Variants in ENOX2 observed in about 807,000 individuals in gnomAD.
ENOX2 encodes the protein ecto-NOX disulfide-thiol exchanger 2, also known as APK1 antigen.
In ENOX2, 36 loss-of-function variants were observed where a neutral mutation model predicts 45.0. That is an observed-to-expected ratio of 0.80 (90% confidence interval 0.61 to 1.06). ENOX2 has a LOEUF of 1.06. ENOX2 is among the 50% of genes least tolerant of loss of function. ENOX2 has a pLI of 0.00. For missense variants in ENOX2, 423 were observed against 462.5 expected (o/e 0.91, Z 0.78); for synonymous variants, 174 against 152.3 (o/e 1.14, Z -1.05).
chrX:130,724,131 T>C (rs182677347), intron 3 of ENOX2, among the ~76,000 whole-genome samples: 4 of 112,390 alleles, frequency 3.6e-5, no homozygotes, highest in African/African-American at 1.3e-4. Context: ...TTTATAAAAA[T>C]TGTCCTCAAG....
intron 2 of ENOX2, among the ~76,000 whole-genome samples, chrX:130,892,801 G>T (rs1216040409): frequency 8.9e-6 from 1 of 112,526 alleles, no homozygotes; most frequent in African/African-American, 3.2e-5. Flanking sequence ...AAAAGAGTTT[G>T]TTCATCTAGT....
At chrX:130,691,629 G>A (rs983085514) in intron 4 of ENOX2, among the ~76,000 whole-genome samples, 6 of 112,358 alleles carry the variant, frequency 5.3e-5, no homozygotes, top group African/African-American at 1.6e-4. Flanking sequence ...GTTATTTTTC[G>A]TTAGGAAAAG....
At chrX:130,841,653 A>G (rs1353516101) in intron 2 of ENOX2, among the ~76,000 whole-genome samples, 1 of 112,231 alleles carries the variant, frequency 8.9e-6, no homozygotes, top group Non-Finnish European at 1.9e-5. Flanking sequence ...TTAAATTAAC[A>G]ACCATCACCA....
intron 8 of ENOX2, among the ~76,000 whole-genome samples, 184 bp downstream of exon 8, chrX:130,667,346 C>T (rs944985740): frequency 1.2e-4 from 13 of 111,540 alleles, no homozygotes; most frequent in East Asian, 5.6e-4. Context: ...CTAGCAGGTG[C>T]GCACATGTCT....
chrX:130,732,679 A>G (rs1359966224), intron 3 of ENOX2, among the ~76,000 whole-genome samples: 2 of 106,818 alleles, frequency 1.9e-5, no homozygotes, highest in Non-Finnish European at 3.9e-5. Context: ...CAGAATGGAG[A>G]TCCCAGAAAT....
chrX:130,672,291 C>G (rs1180594327), intron 6 of ENOX2, among the ~76,000 whole-genome samples: 1 of 112,230 alleles, frequency 8.9e-6, no homozygotes, highest in Non-Finnish European at 1.9e-5. Context: ...CCTGAGAATT[C>G]TAATGGTGAC....
In ENOX2 at chrX:130,625,449, T is replaced by C. The variant is rs376334830; in HGVS notation, c.1615-4A>G. 5 of 1,200,902 alleles carry C rather than the reference T, an allele frequency of 4.2e-6. No individual in the cohort carries two copies. In the African/African-American group the frequency reaches 5.3e-5, roughly 13 times the overall value. The stretch of plus-strand genomic sequence containing the variant: ...ACTCCACATCGCTGGTGCAGATCTG[T>C]GGGACAGAGAGAACATCTCCATTCA... On this transcript the variant is annotated splice_polypyrimidine_tract_variant and splice_region_variant and intron_variant, in intron 14 of 14. Coordinates refer to ENST00000394363, the MANE Select transcript of ENOX2 (RefSeq NM_006375.4).
At chrX:130,869,953 C>T (rs2078546388) in intron 2 of ENOX2, among the ~76,000 whole-genome samples, 1 of 112,015 alleles carries the variant, frequency 8.9e-6, no homozygotes, top group Non-Finnish European at 1.9e-5. Flanking sequence ...AAGCAATATG[C>T]TGTATCAAGA....
chrX:130,740,060 T>C (rs1450899328), intron 3 of ENOX2, among the ~76,000 whole-genome samples: 1 of 112,048 alleles, frequency 8.9e-6, no homozygotes, highest in Non-Finnish European at 1.9e-5. Flanking sequence ...CCTATGCAAG[T>C]GTTATGAGAA....
chrX:130,892,542 T>C (rs2079000798), intron 2 of ENOX2, among the ~76,000 whole-genome samples: 2 of 112,764 alleles, frequency 1.8e-5, no homozygotes, highest in South Asian at 7.4e-4. Context: ...CCTTCTGTCC[T>C]TCCCCAGTTT....
chrX:130,636,872 C>T (rs2148030146), intron 11 of ENOX2, among the ~76,000 whole-genome samples: 1 of 111,880 alleles, frequency 8.9e-6, no homozygotes, highest in South Asian at 3.8e-4. Context: ...ACTTGTTCAT[C>T]AGCTCTTTTT....
intron 10 of ENOX2, among the ~76,000 whole-genome samples, chrX:130,642,193 C>G (rs1249160872): frequency 1.8e-5 from 2 of 111,907 alleles, no homozygotes; most frequent in Non-Finnish European, 3.8e-5. Context: ...TCAACATTAA[C>G]AGGAGTTTGG....
At chrX:130,764,774 C>T (rs930907810) in intron 3 of ENOX2, among the ~76,000 whole-genome samples, 5 of 111,457 alleles carry the variant, frequency 4.5e-5, no homozygotes, top group Non-Finnish European at 5.7e-5. Context: ...GAGCTTAAAG[C>T]TTTTGTTGTT....
chrX:130,733,317 T>C (rs911273548), intron 3 of ENOX2, among the ~76,000 whole-genome samples: 5 of 108,773 alleles, frequency 4.6e-5, no homozygotes, highest in Non-Finnish European at 9.5e-5. Context: ...ATCAAAACCA[T>C]AATGAGAGAT....
intron 2 of ENOX2, among the ~76,000 whole-genome samples, chrX:130,898,200 G>A (rs909830056): frequency 9.0e-6 from 1 of 111,100 alleles, no homozygotes; most frequent in Non-Finnish European, 1.9e-5. Flanking sequence ...TAGAGACGGG[G>A]TTTCCCCATG....
chrX:130,885,507 C>T (rs1022392996), intron 2 of ENOX2, among the ~76,000 whole-genome samples: 3 of 112,099 alleles, frequency 2.7e-5, no homozygotes, highest in Non-Finnish European at 3.8e-5. Flanking sequence ...CCAACAACTA[C>T]ACTAATATTG....
chrX:130,772,776 T>A (rs1303646385), intron 3 of ENOX2, among the ~76,000 whole-genome samples: 2 of 112,180 alleles, frequency 1.8e-5, no homozygotes, highest in African/African-American at 6.5e-5. Context: ...GAAGCTTCCT[T>A]GACCGACCAG....
chrX:130,701,169 T>C (rs943161648), intron 4 of ENOX2, among the ~76,000 whole-genome samples: 1 of 111,385 alleles, frequency 9.0e-6, no homozygotes, highest in Admixed American at 9.6e-5. Context: ...TCAGTTAACA[T>C]TTAGTCCCCT....
intron 2 of ENOX2, among the ~76,000 whole-genome samples, chrX:130,861,738 A>G (rs1022009764): frequency 9.0e-6 from 1 of 111,327 alleles, no homozygotes; most frequent in African/African-American, 3.3e-5. Flanking sequence ...ACAATACTGT[A>G]TGGTGTATTT....
Sources: gnomAD v4.1 joint callset for allele counts (sites outside exome capture counted in the v4.1 genomes callset) on GRCh38, gnomAD v4.1.1 for gene constraint, MANE v1.5 for transcripts, NCBI Gene and HGNC (gene_info 2026-07-23, HGNC 2026-07-21) for gene names.